The following RGMA variants were observed in gnomAD, a reference collection of about 807,000 sequenced individuals.
The protein encoded by RGMA is repulsive guidance molecule A.
RGMA carries 10 observed loss-of-function variants against 23.2 expected under a neutral mutation model. The ratio of observed to expected loss-of-function variants is 0.43; its 90% CI spans 0.27 to 0.73. RGMA has a LOEUF of 0.73. RGMA is among the 30% of genes least tolerant of loss of function. RGMA has a pLI of 0.20. For synonymous variants in RGMA, 308 were observed against 279.3 expected (o/e 1.10, Z -1.03); for missense variants, 547 against 630.5 (o/e 0.87, Z 1.42).
Position 93,089,127 on chromosome 15 carries a change from AGCCG to A in RGMA, c.-199_-196del. The A allele has an allele frequency of 2.9e-6, 1 of 341,236 alleles. No individual in the cohort carries two copies. The allele number at this position is 341,236 out of a possible 1,614,324, so 21.1% of individuals were successfully genotyped here. A position where few individuals can be genotyped will look rare whatever the true frequency, so the allele number is the denominator to read the frequency against. On this transcript the variant is annotated 5_prime_UTR_variant, in exon 1 of 4. Coordinates refer to ENST00000329082, the MANE Select transcript of RGMA (RefSeq NM_020211.3). ...CTGCATGCCTGCGAGCGCCTGGCGG[AGCCG>A]GCCCGGGAGCGAACGGCCAGTGCTT...
At position 93,088,905 on chromosome 15, in the gene RGMA, C is replaced by A; in HGVS notation, c.14+14G>T. 1 of 1,477,086 alleles carries A rather than the reference C, an allele frequency of 6.8e-7. No individual in the cohort carries two copies. The highest frequency in any genetic ancestry group is 1.3e-5 in the South Asian group (1 of 77,870). 91.5% of individuals were successfully genotyped at this position (1,477,086 alleles called of 1,614,324 possible). A position where few individuals can be genotyped will look rare whatever the true frequency, so the allele number is the denominator to read the frequency against. On this transcript the variant is annotated intron_variant, in intron 1 of 3. Transcript: ENST00000329082. ...GTCAGAGCCGGGTCTGCCCGGCTCCCGACCCGCGCTTACCTTGGCGGCTGC... is the reference window on the plus strand; with the variant it reads ...GTCAGAGCCGGGTCTGCCCGGCTCCAGACCCGCGCTTACCTTGGCGGCTGC...
In RGMA at chr15:93,043,067, A is replaced by G. The variant is rs961086960; in HGVS notation, c.*1931T>C. 2.0e-5 allele frequency: 3 copies of G among 152,292 alleles called. No individual in the cohort carries two copies. Among genetic ancestry groups the G allele is most frequent in the Non-Finnish European group, 2.9e-5 (2 of 68,068 alleles). The allele number at this position is 152,292 out of a possible 1,614,324, so 9.4% of individuals were successfully genotyped here. A position where few individuals can be genotyped will look rare whatever the true frequency, so the allele number is the denominator to read the frequency against. On this transcript the variant is annotated 3_prime_UTR_variant, in exon 4 of 4. Coordinates refer to ENST00000329082, the MANE Select transcript of RGMA (RefSeq NM_020211.3). ...GCCTGCCAAGCTCCAAAGACAGCTC[A>G]TCGTGAGGAGGAAAAGTGACTTTAC...
chr15:93,087,697 G>A (rs146253266), intron 1 of RGMA, among the ~76,000 whole-genome samples: 2 of 152,306 alleles, frequency 1.3e-5, no homozygotes, highest in African/African-American at 2.4e-5. Flanking sequence ...CCAGATACCT[G>A]CGGAAGGGGC....
Position 93,072,264 on chromosome 15 carries a change from T to C in RGMA, c.130+652A>G, listed in dbSNP as rs572297508. On this transcript the variant is annotated intron_variant, in intron 2 of 3. Transcript: ENST00000329082. ...CTGCCAAAAACATTGTGAAAAACTA[T>C]GGGGGATTCATTGGAAACAGATGGG... Among the ~76,000 whole-genome samples the C allele has an allele frequency of 2.6e-5, 4 of 152,244 alleles. No homozygotes were observed. In the South Asian group the frequency reaches 6.2e-4, roughly 24 times the overall value.
intron 2 of RGMA, among the ~76,000 whole-genome samples, chr15:93,065,349 TTGGTGTC>T (rs1895107746): frequency 6.7e-6 from 1 of 148,372 alleles, no homozygotes; most frequent in African/African-American, 2.5e-5. Flanking sequence ...GGGGAGGGGG[TTGGTGTC>T]TCTGAACAGT....
intron 1 of RGMA, among the ~76,000 whole-genome samples, chr15:93,085,527 A>G (rs1895622546): frequency 6.6e-6 from 1 of 152,240 alleles, no homozygotes. Context: ...CCAACCAGCA[A>G]TTCTGTAGTC....
At position 93,044,965 on chromosome 15, in the gene RGMA, A is replaced by G. The variant is rs745562219; in HGVS notation, c.*33T>C. On this transcript the variant is annotated 3_prime_UTR_variant, in exon 4 of 4. Transcript: ENST00000329082. ...GCCCACACATGGGGAAGCCGAGAGGACGGAGCCCGCGCCTCCCTCCACATC... is the reference window on the plus strand; with the variant it reads ...GCCCACACATGGGGAAGCCGAGAGGGCGGAGCCCGCGCCTCCCTCCACATC... 1 of 1,533,158 alleles carries G rather than the reference A, an allele frequency of 6.5e-7. No individual in the cohort carries two copies. Among genetic ancestry groups the G allele is most frequent in the South Asian group, 1.2e-5 (1 of 82,906 alleles). The allele number at this position is 1,533,158 out of a possible 1,614,324, so 95.0% of individuals were successfully genotyped here. A position where few individuals can be genotyped will look rare whatever the true frequency, so the allele number is the denominator to read the frequency against.
chr15:93,054,331 TGACA>T (rs1427411078), intron 2 of RGMA, among the ~76,000 whole-genome samples: 6 of 151,928 alleles, frequency 3.9e-5, no homozygotes. Context: ...GTTAGGTAAA[TGACA>T]GTCAGGTGGT....
chr15:93,064,486 C>T (rs1279508073), intron 2 of RGMA, among the ~76,000 whole-genome samples: 5 of 152,172 alleles, frequency 3.3e-5, no homozygotes, highest in African/African-American at 1.2e-4. Flanking sequence ...TCAATGCTGC[C>T]GGCAGGCAGG....
intron 1 of RGMA, chr15:93,088,293 T>C (rs914842998): frequency 3.0e-6 from 3 of 984,902 alleles, no homozygotes; most frequent in African/African-American, 1.7e-5. Flanking sequence ...TGGGTTGAGC[T>C]GCGGCGCGAG....
chr15:93,050,551 G>A (rs983858480), intron 3 of RGMA, among the ~76,000 whole-genome samples: 1 of 152,200 alleles, frequency 6.6e-6, no homozygotes, highest in African/African-American at 2.4e-5. Flanking sequence ...TCTTCTGGAA[G>A]CCTCCATGCT....
Position 93,066,609 on chromosome 15 carries a change from G to T in RGMA, c.130+6307C>A, listed in dbSNP as rs536648315. 5.7e-5 allele frequency: 26 copies of T among 453,032 alleles called. No homozygotes were observed. In the East Asian group the frequency reaches 1.5e-3, roughly 26 times the overall value. 28.1% of individuals were successfully genotyped at this position (453,032 alleles called of 1,614,324 possible). On this transcript the variant is annotated intron_variant, in intron 2 of 3. Transcript: ENST00000329082. Reference sequence around the variant, plus strand: ...CGCTACCACCCCGGGCATCGTCGCCGTGGGGACTGCCGTCACCACCGCCGC... The same window carrying T: ...CGCTACCACCCCGGGCATCGTCGCCTTGGGGACTGCCGTCACCACCGCCGC...
intron 2 of RGMA, among the ~76,000 whole-genome samples, chr15:93,057,113 C>T (rs906939267): frequency 2.0e-5 from 3 of 152,194 alleles, no homozygotes; most frequent in Admixed American, 2.0e-4. Flanking sequence ...GGTCCCCCAA[C>T]TCCTGGCAGC....
chr15:93,072,842 T>A, intron 2 of RGMA, 74 bp downstream of exon 2: 4 of 1,509,642 alleles, frequency 2.6e-6, no homozygotes, highest in Non-Finnish European at 3.6e-6. Context: ...CCGGACTCAC[T>A]CGCGCACATC....
At chr15:93,086,260 C>A (rs2141851092) in intron 1 of RGMA, among the ~76,000 whole-genome samples, 1 of 152,314 alleles carries the variant, frequency 6.6e-6, no homozygotes, top group Non-Finnish European at 1.5e-5. Flanking sequence ...GAATAATTAC[C>A]TGTAAGGAGT....
rs139391710 is a variant in RGMA, at chr15:93,073,998, T to G, written c.15-967A>C. On this transcript the variant is annotated intron_variant, in intron 1 of 3. Coordinates refer to ENST00000329082, the MANE Select transcript of RGMA (RefSeq NM_020211.3). ...AGGGCTTCAGTATGGTGACCTTTCC[T>G]AACTCTGTCGCTTATTTTTCTGGGA... The G allele has an allele frequency of 6.4e-5, 90 of 1,396,016 alleles. No individual in the cohort carries two copies. The African/African-American group carries it at 1.2e-3, about 19-fold the overall frequency. The allele number at this position is 1,396,016 out of a possible 1,614,324, so 86.5% of individuals were successfully genotyped here.
At position 93,065,399 on chromosome 15, in the gene RGMA, G is replaced by GA. The variant is rs113680569; in HGVS notation, c.130+7516dup. On this transcript the variant is annotated intron_variant, in intron 2 of 3. Transcript: ENST00000329082. ...CTTCCTTCAACCCTTGATAAGGGAA[G>GA]AAAAAAAAAAAAAAGCAAAAGGCTG... Among the ~76,000 whole-genome samples the GA allele has an allele frequency of 9.3e-3, 1,224 of 131,022 alleles. 10 individuals carry two copies. The highest frequency in any genetic ancestry group is 0.023 in the African/African-American group (838 of 36,454). 86.0% of individuals were successfully genotyped at this position (131,022 alleles called of 152,430 possible).
At chr15:93,060,108 C>T (rs778238000) in intron 2 of RGMA, among the ~76,000 whole-genome samples, 23 of 152,292 alleles carry the variant, frequency 1.5e-4, no homozygotes, top group Non-Finnish European at 3.1e-4. Flanking sequence ...GGATCCAGGA[C>T]AGCCAATACA....
At chr15:93,060,925 T>C (rs1435767305) in intron 2 of RGMA, among the ~76,000 whole-genome samples, 2 of 152,196 alleles carry the variant, frequency 1.3e-5, no homozygotes, top group African/African-American at 4.8e-5. Flanking sequence ...GGCTTTGTGA[T>C]TGTCGAGGAT....
Sources: gnomAD v4.1 joint callset for allele counts (sites outside exome capture counted in the v4.1 genomes callset) on GRCh38, gnomAD v4.1.1 for gene constraint, MANE v1.5 for transcripts, NCBI Gene and HGNC (gene_info 2026-07-23, HGNC 2026-07-21) for gene names.